The following TPP2 variants were observed in gnomAD, a reference collection of about 807,000 sequenced individuals.
TPP2 encodes tripeptidyl-peptidase 2.
Under a neutral mutation model 155.9 loss-of-function variants are expected in TPP2, and 34 were observed. The ratio of observed to expected loss-of-function variants is 0.22; its 90% confidence interval spans 0.17 to 0.29. The LOEUF is 0.29. Ranked by LOEUF, TPP2 falls within the 10% of genes least tolerant of loss-of-function variation. The pLI is 1.00. For missense variants in TPP2, 1,028 were observed against 1,522.3 expected (o/e 0.68, Z 5.40); for synonymous variants, 510 against 529.4 (o/e 0.96, Z 0.50).
At chr13:102,636,758 G>C (rs1448272913) in intron 13 of TPP2, among the ~76,000 whole-genome samples, 3 of 152,186 alleles carry the variant, frequency 2.0e-5, no homozygotes, top group African/African-American at 7.2e-5. Flanking sequence ...ACTGCAGCTC[G>C]ATTAGGTGTG....
At chr13:102,607,184 A>G (rs1285234707) in intron 2 of TPP2, among the ~76,000 whole-genome samples, 1 of 152,238 alleles carries the variant, frequency 6.6e-6, no homozygotes, top group Admixed American at 6.5e-5. Flanking sequence ...TTCAATTGTC[A>G]GAGTCATCCA....
At position 102,643,421 on chromosome 13, in the gene TPP2, T is replaced by C. The variant is rs1484709694; in HGVS notation, c.2175+45T>C. On this transcript the variant is annotated intron_variant, in intron 17 of 29. Transcript: ENST00000376052. ...ATAATCCTAACACAATTTATTTGCCTTTTTGGTATGGGCTAAGACTAAGTA... is the reference window on the plus strand; with the variant it reads ...ATAATCCTAACACAATTTATTTGCCCTTTTGGTATGGGCTAAGACTAAGTA... The C allele has an allele frequency of 2.6e-6, 4 of 1,521,596 alleles. No individual in the cohort carries two copies. The South Asian group carries it at 5.3e-5, about 20-fold the overall frequency. 94.3% of individuals were successfully genotyped at this position (1,521,596 alleles called of 1,614,324 possible).
At chr13:102,636,984 A>G in intron 13 of TPP2, 98 bp from the exon 14 acceptor site, 3 of 1,336,342 alleles carry the variant, frequency 2.2e-6, no homozygotes, top group Non-Finnish European at 3.0e-6. Context: ...ACAGCCAACC[A>G]AACCAAGTCG....
intron 2 of TPP2, among the ~76,000 whole-genome samples, chr13:102,613,624 A>G (rs967553476): frequency 1.3e-5 from 2 of 152,190 alleles, no homozygotes; most frequent in African/African-American, 4.8e-5. Context: ...CATATCCTTT[A>G]TACAGAATTT....
chr13:102,599,143 G>A (rs906840034), intron 1 of TPP2, among the ~76,000 whole-genome samples: 1 of 152,028 alleles, frequency 6.6e-6, no homozygotes, highest in Non-Finnish European at 1.5e-5. Flanking sequence ...TCCCGTCTTT[G>A]TGTCCATGTG....
intron 9 of TPP2, 136 bp downstream of exon 9, chr13:102,629,745 C>A: frequency 1.6e-6 from 2 of 1,222,926 alleles, no homozygotes; most frequent in Non-Finnish European, 2.2e-6. Flanking sequence ...AACTTATAGT[C>A]TGGTAGGGGA....
At chr13:102,635,544 G>C in intron 11 of TPP2, 43 bp from the exon 12 acceptor site, 1 of 1,475,138 alleles carries the variant, frequency 6.8e-7, no homozygotes, top group Non-Finnish European at 9.4e-7. Context: ...TAAGGTTTCA[G>C]ATAGTGAGTG....
chr13:102,654,331 A>G (rs188031985), intron 24 of TPP2, among the ~76,000 whole-genome samples: 1 of 152,226 alleles, frequency 6.6e-6, no homozygotes, highest in African/African-American at 2.4e-5. Flanking sequence ...TTTAACATGT[A>G]AAATGCTGAT....
At chr13:102,607,631 G>A (rs541125257) in intron 2 of TPP2, 1 of 447,802 alleles carries the variant, frequency 2.2e-6, no homozygotes, top group East Asian at 7.2e-5. Flanking sequence ...CTGTCGCCCA[G>A]GTTGAAGTAC....
intron 4 of TPP2, among the ~76,000 whole-genome samples, chr13:102,617,674 TACTC>T (rs942517636): frequency 3.9e-5 from 6 of 152,248 alleles, no homozygotes; most frequent in African/African-American, 1.2e-4. Flanking sequence ...TCTAGGTTAA[TACTC>T]ACACCACACT....
In TPP2 at chr13:102,618,755, C is replaced by G. The variant is rs745661670; in HGVS notation, c.529C>G (p.Gln177Glu). 1.9e-6 allele frequency: 3 copies of G among 1,613,860 alleles called. No homozygotes were observed. Among genetic ancestry groups the G allele is most frequent in the Admixed American group, 3.3e-5 (2 of 59,996 alleles). The change falls in exon 5 of 30, where the codon CAA becomes GAA. Residue 177 changes from glutamine to glutamate, a missense_variant. Coordinates refer to ENST00000376052, the MANE Select transcript of TPP2 (RefSeq NM_001330588.2). ...NKLIKEELQS[Q>E]VELLNSFEKK... ...ACTAATCAAGGAGGAACTTCAAAGT[C>G]AAGTGGAATTGCTAAATTCTTTTGA... is the stretch of plus-strand genomic sequence containing the variant.
In TPP2 at chr13:102,635,620, A is replaced by C. The variant is rs1409920365; in HGVS notation, c.1427A>C (p.His476Pro). The change falls in exon 12 of 30, where the codon CAT (histidine) becomes CCT (proline). Residue 476 changes from histidine to proline, a missense_variant. His to Pro is a moderately conservative substitution (Grantham distance 77, BLOSUM62 -2). Coordinates refer to ENST00000376052, the MANE Select transcript of TPP2 (RefSeq NM_001330588.2). ...GCTAATAACATTGACTACACAGTTC[A>C]TTCAGTCAGAAGAGCTCTAGAAAAC... ...LKANNIDYTV[H>P]SVRRALENTA... is the part of the protein sequence containing the mutation. The C allele has an allele frequency of 6.2e-7, 1 of 1,613,006 alleles. No homozygotes were observed. Among genetic ancestry groups the C allele is most frequent in the African/African-American group, 1.3e-5 (1 of 74,910 alleles).
intron 24 of TPP2, among the ~76,000 whole-genome samples, chr13:102,652,799 A>C (rs552868819): frequency 4.7e-4 from 71 of 152,300 alleles, no homozygotes; most frequent in African/African-American, 1.6e-3. Context: ...GGATAAAAAC[A>C]GCATTTTTTT....
chr13:102,659,974 C>T (rs1294213662), intron 25 of TPP2, among the ~76,000 whole-genome samples: 2 of 113,666 alleles, frequency 1.8e-5, no homozygotes, highest in Admixed American at 7.9e-5. Flanking sequence ...AAAAAAATGA[C>T]TGCAGATAGT....
At position 102,627,055 on chromosome 13, in the gene TPP2, T is replaced by G. The variant is rs199665537; in HGVS notation, c.828T>G (p.Phe276Leu). ...THVASIAAGH[F>L]PEEPERNGVA... ...TAGCTAGTATAGCTGCTGGACACTTTCCAGAAGAACCTGAACGGAATGGGG... is the reference window on the plus strand; with the variant it reads ...TAGCTAGTATAGCTGCTGGACACTTGCCAGAAGAACCTGAACGGAATGGGG... The change falls in exon 7 of 30, where the codon TTT (phenylalanine) becomes TTG (leucine). Residue 276 changes from phenylalanine to leucine, a missense_variant. Physicochemically the swap from Phe to Leu is conservative, Grantham distance 22. Transcript: ENST00000376052. 4 of 1,598,598 alleles carry G rather than the reference T, an allele frequency of 2.5e-6. No individual in the cohort carries two copies. Among genetic ancestry groups the G allele is most frequent in the Non-Finnish European group, 3.4e-6 (4 of 1,172,486 alleles).
chr13:102,614,050 G>T (rs747435013), intron 2 of TPP2, 51 bp from the exon 3 acceptor site: 2 of 1,525,978 alleles, frequency 1.3e-6, no homozygotes, highest in Non-Finnish European at 1.8e-6. Context: ...TGTATCATTG[G>T]AATTGGAAAG....
chr13:102,630,637 TG>T (rs1338106821), intron 10 of TPP2, among the ~76,000 whole-genome samples: 1 of 152,188 alleles, frequency 6.6e-6, no homozygotes, highest in African/African-American at 2.4e-5. Context: ...TGAGCAATTT[TG>T]GGTGAGATCC....
intron 10 of TPP2, among the ~76,000 whole-genome samples, chr13:102,631,032 C>G (rs550628423): frequency 2.2e-4 from 34 of 152,138 alleles, no homozygotes; most frequent in African/African-American, 8.0e-4. Context: ...TGAAGTTGAC[C>G]TTAAAGGATG....
intron 26 of TPP2, among the ~76,000 whole-genome samples, chr13:102,664,122 T>A (rs980006793): frequency 6.6e-6 from 1 of 152,204 alleles, no homozygotes; most frequent in Non-Finnish European, 1.5e-5. Context: ...TTTGTGAGAG[T>A]TGGCCATAGT....
Sources: allele counts gnomAD v4.1 joint callset (sites outside exome capture counted in the v4.1 genomes callset), GRCh38; gene constraint gnomAD v4.1.1; transcripts MANE v1.5; gene names NCBI Gene and HGNC (gene_info 2026-07-23, HGNC 2026-07-21).